MSRA: variants seen among roughly 807,000 people sequenced by gnomAD.
MSRA encodes mitochondrial peptide methionine sulfoxide reductase.
Under a neutral mutation model 31.3 loss-of-function variants are expected in MSRA, and 54 were observed. The observed-to-expected ratio is 1.73, with a 90% CI of 1.39 to 2.17. The LOEUF (loss-of-function observed/expected upper bound fraction) is 2.17. Ranked by LOEUF, MSRA falls within the 30% of genes most tolerant of loss-of-function variation. The pLI, the probability that MSRA is intolerant of heterozygous loss-of-function variation, is 0.00. For synonymous variants in MSRA, 169 were observed against 116.5 expected (o/e 1.45, Z -2.90); for missense variants, 507 against 300.9 (o/e 1.69, Z -5.07).
chr8:10,245,564 G>A (rs571525031), intron 3 of MSRA, among the ~76,000 whole-genome samples: 11 of 152,236 alleles, frequency 7.2e-5, no homozygotes, highest in Non-Finnish European at 1.2e-4. Context: ...ATTTGCTCAT[G>A]TGGCTAAGGT....
chr8:10,147,759 G>C (rs1373902263), intron 1 of MSRA, among the ~76,000 whole-genome samples: 4 of 152,166 alleles, frequency 2.6e-5, no homozygotes, highest in Middle Eastern at 3.2e-3. Context: ...GAGGATTCCT[G>C]CATTCTCCTA....
intron 3 of MSRA, among the ~76,000 whole-genome samples, chr8:10,278,238 C>T (rs1799428473): frequency 6.6e-6 from 1 of 152,124 alleles, no homozygotes; most frequent in Admixed American, 6.5e-5. Context: ...TCTGGAGTAC[C>T]TTCGGGTCTC....
At chr8:10,350,383 G>A (rs1179197280) in intron 5 of MSRA, among the ~76,000 whole-genome samples, 2 of 152,210 alleles carry the variant, frequency 1.3e-5, no homozygotes, top group Admixed American at 6.5e-5. Context: ...ACTGGACAGC[G>A]CCGGCCGGAT....
At chr8:10,250,515 G>C (rs1797859627) in intron 3 of MSRA, 1 of 698,644 alleles carries the variant, frequency 1.4e-6, no homozygotes, top group Non-Finnish European at 2.6e-6. Flanking sequence ...CATGAAAGGA[G>C]CTGCACAACT....
intron 5 of MSRA, among the ~76,000 whole-genome samples, chr8:10,362,647 C>T (rs1166785528): frequency 6.6e-6 from 1 of 152,018 alleles, no homozygotes; most frequent in Non-Finnish European, 1.5e-5. Flanking sequence ...ACCCGTTGTC[C>T]CTGCTCCCCC....
chr8:10,193,108 G>C (rs17748464), intron 1 of MSRA, among the ~76,000 whole-genome samples: 1 of 152,124 alleles, frequency 6.6e-6, no homozygotes, highest in African/African-American at 2.4e-5. Flanking sequence ...AATTCTCCTC[G>C]AAATCAGATT....
At chr8:10,228,871 C>T (rs1314614476) in intron 2 of MSRA, among the ~76,000 whole-genome samples, 3 of 152,158 alleles carry the variant, frequency 2.0e-5, no homozygotes, top group Non-Finnish European at 4.4e-5. Context: ...TCATTTATTC[C>T]TTTCCCTTAA....
chr8:10,101,809 T>C (rs1799546743), intron 1 of MSRA, among the ~76,000 whole-genome samples: 1 of 152,234 alleles, frequency 6.6e-6, no homozygotes, highest in South Asian at 2.1e-4. Context: ...TTGGGTTGCT[T>C]CTACCTTTTG....
chr8:10,356,889 T>TAAAA (rs869099944), intron 5 of MSRA, among the ~76,000 whole-genome samples: 8 of 105,106 alleles, frequency 7.6e-5, no homozygotes, highest in African/African-American at 2.8e-4. Flanking sequence ...CCTTGCCCAT[T>TAAAA]AAAAAAAAAA....
chr8:10,392,504 C>A (rs562401135), intron 5 of MSRA, among the ~76,000 whole-genome samples: 1 of 152,134 alleles, frequency 6.6e-6, no homozygotes, highest in Non-Finnish European at 1.5e-5. Context: ...TCCTTCCGCT[C>A]TTTCTCCCCT....
chr8:10,164,795 C>T (rs996120437), intron 1 of MSRA, among the ~76,000 whole-genome samples: 8 of 152,150 alleles, frequency 5.3e-5, no homozygotes, highest in African/African-American at 1.4e-4. Context: ...CTTTGGGAGA[C>T]CTAGGCGGTG....
chr8:10,099,028 C>G lies in MSRA; in HGVS notation c.142+44370C>G, dbSNP rs1049525317. Among the ~76,000 whole-genome samples, 5 of 152,062 alleles carry G rather than the reference C, an allele frequency of 3.3e-5. No homozygotes were observed. In the East Asian group the frequency reaches 7.7e-4, roughly 23 times the overall value. On this transcript the variant is annotated intron_variant, in intron 1 of 5. Coordinates refer to ENST00000317173, the MANE Select transcript of MSRA (RefSeq NM_012331.5). ...GCATGGCCCTTTGAAAGAAGGTTTGCTAGGGGGTGTGGTGTATTTTAAATG... is the reference window on the plus strand; with the variant it reads ...GCATGGCCCTTTGAAAGAAGGTTTGGTAGGGGGTGTGGTGTATTTTAAATG...
chr8:10,057,665 G>C (rs1047335209), intron 1 of MSRA, among the ~76,000 whole-genome samples: 1 of 152,174 alleles, frequency 6.6e-6, no homozygotes, highest in Non-Finnish European at 1.5e-5. Context: ...TCTCGTGAGA[G>C]TGAATGAATT....
intron 1 of MSRA, among the ~76,000 whole-genome samples, chr8:10,099,820 G>A (rs533318160): frequency 6.6e-6 from 1 of 151,966 alleles, no homozygotes; most frequent in Non-Finnish European, 1.5e-5. Context: ...CCTGGACACC[G>A]GCTTTCTCTC....
chr8:10,215,986 T>G (rs60351321), intron 2 of MSRA, among the ~76,000 whole-genome samples: 21,195 of 152,206 alleles, frequency 0.14, 1,641 homozygotes, highest in East Asian at 0.27. Context: ...GTTAATTAAC[T>G]TTTTTAAGAA....
At chr8:10,364,733 G>A (rs1158485019) in intron 5 of MSRA, among the ~76,000 whole-genome samples, 1 of 152,126 alleles carries the variant, frequency 6.6e-6, no homozygotes, top group Non-Finnish European at 1.5e-5. Context: ...TCATTCCCTC[G>A]GCAGATGGGC....
intron 4 of MSRA, among the ~76,000 whole-genome samples, chr8:10,316,233 T>G (rs1398243230): frequency 6.6e-6 from 1 of 152,036 alleles, no homozygotes; most frequent in Non-Finnish European, 1.5e-5. Context: ...TCCACCTTTT[T>G]TTTTTTTACT....
rs138454312 is a variant in MSRA, at chr8:10,092,888, A to T, written c.142+38230A>T. Among the ~76,000 whole-genome samples the T allele has an allele frequency of 3.1e-3, 468 of 152,192 alleles. 3 individuals carry two copies. Among genetic ancestry groups the T allele is most frequent in the African/African-American group, 0.011 (440 of 41,528 alleles). ...GGGCTCTGTTCTTATGTATGTTTAT[A>T]TTGGTTGTCTCTTCTTGATGAATTA... On this transcript the variant is annotated intron_variant, in intron 1 of 5. Transcript: ENST00000317173.
chr8:10,270,322 G>A (rs1184214747), intron 3 of MSRA, among the ~76,000 whole-genome samples: 3 of 151,732 alleles, frequency 2.0e-5, no homozygotes, highest in Non-Finnish European at 2.9e-5. Flanking sequence ...CAAAAGAAAG[G>A]CAACATGATG....
Sources: allele counts gnomAD v4.1 joint callset (sites outside exome capture counted in the v4.1 genomes callset), GRCh38; gene constraint gnomAD v4.1.1; transcripts MANE v1.5; gene names NCBI Gene and HGNC (gene_info 2026-07-23, HGNC 2026-07-21).